The following LARGE1 variants were observed in gnomAD, a reference collection of about 807,000 sequenced individuals.
LARGE1 encodes xylosyl- and glucuronyltransferase LARGE1.
A neutral mutation model predicts 87.6 loss-of-function variants in LARGE1; 43 were observed. The ratio of observed to expected loss-of-function variants is 0.49; its 90% CI spans 0.38 to 0.63. The LOEUF is 0.63. LARGE1 is among the 30% of genes least tolerant of loss of function. The pLI is 0.00. For missense variants in LARGE1, 802 were observed against 1,000.2 expected (o/e 0.80, Z 2.67); for synonymous variants, 434 against 394.6 (o/e 1.10, Z -1.18).
chr22:33,143,189 C>T, the LARGE1 span, among the ~76,000 whole-genome samples: 2 of 152,096 alleles, frequency 1.3e-5, no homozygotes, highest in African/African-American at 4.8e-5. Flanking sequence ...AGTTGATTGG[C>T]ATAAGAGGCC....
At chr22:33,137,635 C>G in the LARGE1 span, among the ~76,000 whole-genome samples, 1 of 152,218 alleles carries the variant, frequency 6.6e-6, no homozygotes, top group Non-Finnish European at 1.5e-5. Context: ...AAATCACTGG[C>G]CTGGAGGCCT....
chr22:33,797,877 C>T (rs1048327954), intron 1 of LARGE1, among the ~76,000 whole-genome samples: 4 of 152,242 alleles, frequency 2.6e-5, no homozygotes, highest in African/African-American at 4.8e-5. Context: ...TCGCCTCACT[C>T]CCATGTGGCT....
Position 33,570,585 on chromosome 22 carries a change from T to C in LARGE1, c.616-5566A>G, listed in dbSNP as rs1419624917. 5.6e-5 allele frequency among the ~76,000 whole-genome samples: 8 copies of C among 141,764 alleles called. No individual in the cohort carries two copies. In the East Asian group the frequency reaches 1.2e-3, roughly 22 times the overall value. 93.0% of individuals were successfully genotyped at this position (141,764 alleles called of 152,430 possible). A position where few individuals can be genotyped will look rare whatever the true frequency, so the allele number is the denominator to read the frequency against. On this transcript the variant is annotated intron_variant, in intron 5 of 14. Transcript: ENST00000397394. ...ATCGCTTGAACCCAGGAGGGAGAGG[T>C]TGCAGTGAGCCAAGGTAGCACCACT...
intron 1 of LARGE1, among the ~76,000 whole-genome samples, chr22:33,840,650 G>C (rs1056113725): frequency 3.3e-5 from 5 of 151,406 alleles, no homozygotes; most frequent in African/African-American, 1.2e-4. Context: ...CCCCGATTTA[G>C]GATAATTCGA....
intron 11 of LARGE1, 112 bp downstream of exon 11, chr22:33,315,973 T>A: frequency 7.2e-6 from 9 of 1,252,160 alleles, no homozygotes; most frequent in Non-Finnish European, 1.0e-5. Context: ...TCCTGCTCCA[T>A]CCTCCAATTT....
chr22:33,582,889 G>A (rs2078563070), intron 5 of LARGE1, among the ~76,000 whole-genome samples: 5 of 152,214 alleles, frequency 3.3e-5, no homozygotes, highest in Admixed American at 2.6e-4. Context: ...GCTCCAAGGT[G>A]TACCTGGCTG....
intron 1 of LARGE1, among the ~76,000 whole-genome samples, chr22:33,767,414 TATGCATATATATGC>T (rs1386584056): frequency 2.7e-5 from 4 of 149,534 alleles, no homozygotes; most frequent in Non-Finnish European, 5.9e-5. Context: ...ATAAAATATA[TATGCATATATATGC>T]ATGTATATAT....
At chr22:33,595,156 C>CT (rs1162834783) in intron 5 of LARGE1, among the ~76,000 whole-genome samples, 1 of 151,838 alleles carries the variant, frequency 6.6e-6, no homozygotes, top group Admixed American at 6.6e-5. Context: ...ACTTCTCTCT[C>CT]TTTTTTTTAA....
At chr22:33,725,503 T>G (rs1362247431) in intron 2 of LARGE1, 1 of 152,244 alleles carries the variant, frequency 6.6e-6, no homozygotes, top group Non-Finnish European at 1.5e-5. Context: ...CTGCATTCAC[T>G]GGTAATCAAA....
intron 9 of LARGE1, among the ~76,000 whole-genome samples, chr22:33,356,849 G>A (rs969816937): frequency 1.3e-5 from 2 of 152,164 alleles, no homozygotes; most frequent in African/African-American, 4.8e-5. Flanking sequence ...AGTAGGAAGA[G>A]TGCCTTTTTA....
At chr22:33,080,155 G>T in the LARGE1 span, among the ~76,000 whole-genome samples, 2 of 152,192 alleles carry the variant, frequency 1.3e-5, no homozygotes, top group Non-Finnish European at 2.9e-5. Context: ...TTTAGTCTTA[G>T]CTTCGACATT....
intron 11 of LARGE1, among the ~76,000 whole-genome samples, chr22:33,307,430 T>C (rs535520596): frequency 4.6e-5 from 7 of 152,182 alleles, no homozygotes; most frequent in South Asian, 2.1e-4. Context: ...CTTTGCTTCA[T>C]TGTCTGTTTC....
At chr22:33,565,101 A>G (rs2077983676) in intron 5 of LARGE1, 82 bp from the exon 6 acceptor site, 1 of 1,236,226 alleles carries the variant, frequency 8.1e-7, no homozygotes, top group African/African-American at 1.5e-5. Flanking sequence ...CATTATAAAT[A>G]GTGCCTAGCA....
chr22:33,703,642 T>C (rs2149378265), intron 2 of LARGE1, among the ~76,000 whole-genome samples: 1 of 152,272 alleles, frequency 6.6e-6, no homozygotes, highest in African/African-American at 2.4e-5. Context: ...AGTGGTGTGA[T>C]TCATTTTGTG....
chr22:33,695,762 A>T (rs2051564), intron 2 of LARGE1, among the ~76,000 whole-genome samples: 1 of 151,946 alleles, frequency 6.6e-6, no homozygotes, highest in Non-Finnish European at 1.5e-5. Context: ...GTTACATATA[A>T]TGAAATGCAC....
intron 9 of LARGE1, among the ~76,000 whole-genome samples, chr22:33,380,907 C>T (rs1172887593): frequency 1.3e-5 from 2 of 152,198 alleles, no homozygotes. Context: ...TAGTTGTGGT[C>T]AATTCTTTAC....
At chr22:33,683,413 T>C (rs1417923485) in intron 2 of LARGE1, among the ~76,000 whole-genome samples, 3 of 152,220 alleles carry the variant, frequency 2.0e-5, no homozygotes, top group East Asian at 3.8e-4. Context: ...AACTATATCA[T>C]TGGCTCTCCT....
chr22:33,110,757 C>A, the LARGE1 span: 1 of 152,194 alleles, frequency 6.6e-6, no homozygotes, highest in Non-Finnish European at 1.5e-5. Flanking sequence ...AGACTTGGTT[C>A]TTCTAGTTGT....
chr22:33,308,241 G>T (rs1282651885), intron 11 of LARGE1, among the ~76,000 whole-genome samples: 2 of 152,152 alleles, frequency 1.3e-5, no homozygotes, highest in East Asian at 3.9e-4. Flanking sequence ...GGACTAAGCA[G>T]CCCAGGCAGT....
Sources: gnomAD v4.1 joint callset for allele counts (sites outside exome capture counted in the v4.1 genomes callset) on GRCh38, gnomAD v4.1.1 for gene constraint, MANE v1.5 for transcripts, NCBI Gene and HGNC (gene_info 2026-07-23, HGNC 2026-07-21) for gene names.